The following BMPR1B variants were observed in gnomAD, a reference collection of about 807,000 sequenced individuals.
The protein encoded by BMPR1B is bone morphogenetic protein receptor type-1B.
BMPR1B carries 12 observed loss-of-function variants against 59.1 expected under a neutral mutation model. That is an observed-to-expected ratio of 0.20 (90% CI 0.13 to 0.33). BMPR1B has a LOEUF of 0.33. Ranked by LOEUF, BMPR1B falls within the 10% of genes least tolerant of loss-of-function variation. The probability of loss-of-function intolerance (pLI) is 1.00; values close to 1 mark genes in which losing one functional copy is unlikely to be tolerated. For missense variants in BMPR1B, 550 were observed against 610.9 expected (o/e 0.90, Z 1.05); for synonymous variants, 237 against 207.3 (o/e 1.14, Z -1.23).
chr4:95,102,325 C>T (rs886187956), intron 3 of BMPR1B, among the ~76,000 whole-genome samples: 22 of 152,234 alleles, frequency 1.4e-4, no homozygotes, highest in Admixed American at 1.4e-3. Context: ...AACAGCTTTT[C>T]CCACCAGCTG....
At chr4:94,864,570 G>T (rs1726130305) in intron 1 of BMPR1B, among the ~76,000 whole-genome samples, 1 of 152,036 alleles carries the variant, frequency 6.6e-6, no homozygotes, top group South Asian at 2.1e-4. Context: ...TTTGATAAGG[G>T]CCAAGTACTT....
chr4:94,758,855 G>A (rs557349204), intron 1 of BMPR1B, among the ~76,000 whole-genome samples: 2 of 151,960 alleles, frequency 1.3e-5, no homozygotes, highest in East Asian at 1.9e-4. Flanking sequence ...CGCCTGCTCT[G>A]GCTCTCCCAG....
intron 3 of BMPR1B, among the ~76,000 whole-genome samples, chr4:95,017,314 C>T (rs1035429214): frequency 6.6e-6 from 1 of 152,238 alleles, no homozygotes; most frequent in Non-Finnish European, 1.5e-5. Flanking sequence ...TGCTGAACTA[C>T]TGCTGCCTTG....
chr4:94,982,926 C>T (rs1350344402), intron 2 of BMPR1B, among the ~76,000 whole-genome samples: 3 of 151,122 alleles, frequency 2.0e-5, no homozygotes, highest in Admixed American at 6.6e-5. Flanking sequence ...CGGAGATTGT[C>T]GTGAGAGGAG....
intron 2 of BMPR1B, among the ~76,000 whole-genome samples, chr4:94,879,486 C>T (rs79077883): frequency 0.048 from 7,238 of 152,080 alleles, 411 homozygotes; most frequent in African/African-American, 0.13. Context: ...GCCTGTTGTC[C>T]CAGCTACTCC....
At chr4:95,119,022 G>A (rs1732277097) in intron 6 of BMPR1B, among the ~76,000 whole-genome samples, 1 of 152,134 alleles carries the variant, frequency 6.6e-6, no homozygotes, top group Non-Finnish European at 1.5e-5. Flanking sequence ...TTGCAGCTCA[G>A]GGTGTATCCT....
intron 2 of BMPR1B, among the ~76,000 whole-genome samples, chr4:94,995,160 C>G (rs1346347887): frequency 6.6e-6 from 1 of 152,056 alleles, no homozygotes; most frequent in Non-Finnish European, 1.5e-5. Context: ...TTTATGTCAC[C>G]TGCAAACCAT....
intron 2 of BMPR1B, among the ~76,000 whole-genome samples, chr4:94,981,162 A>G (rs892346225): frequency 2.6e-5 from 4 of 152,106 alleles, no homozygotes; most frequent in Non-Finnish European, 5.9e-5. Flanking sequence ...GTTAGGTAAA[A>G]TATTGCTTTG....
At chr4:95,051,851 G>A in intron 3 of BMPR1B, 1 of 1,386,532 alleles carries the variant, frequency 7.2e-7, no homozygotes, top group Non-Finnish European at 9.8e-7. Flanking sequence ...ATCGCAGAAG[G>A]GAAAGTTCAG....
chr4:94,792,578 TC>T (rs1723025519), intron 1 of BMPR1B, among the ~76,000 whole-genome samples: 1 of 152,190 alleles, frequency 6.6e-6, no homozygotes, highest in South Asian at 2.1e-4. Context: ...AGGGCTTTAA[TC>T]CGAAGTCAAG....
chr4:95,156,552 G>A lies in BMPR1B; in HGVS notation c.*1879G>A, dbSNP rs1164345102. ...TGTGAGCTGTGCTTACAGTTTGGGA[G>A]AATCATGAAGATTCTTTCTATATTT... On this transcript the variant is annotated 3_prime_UTR_variant, in exon 13 of 13. Coordinates refer to ENST00000515059, the MANE Select transcript of BMPR1B (RefSeq NM_001203.3). 4 of 151,774 alleles carry A rather than the reference G, an allele frequency of 2.6e-5. No homozygotes were observed. Among genetic ancestry groups the A allele is most frequent in the African/African-American group, 9.7e-5 (4 of 41,320 alleles). 9.4% of individuals were successfully genotyped at this position (151,774 alleles called of 1,614,324 possible).
At chr4:94,970,236 T>TC (rs1174591733) in intron 2 of BMPR1B, among the ~76,000 whole-genome samples, 7 of 140,568 alleles carry the variant, frequency 5.0e-5, no homozygotes, top group African/African-American at 1.9e-4. Context: ...CAGCTGTTTG[T>TC]TTTTCTTCTC....
chr4:95,057,861 A>T (rs1410136231), intron 3 of BMPR1B, among the ~76,000 whole-genome samples: 7 of 152,340 alleles, frequency 4.6e-5, no homozygotes, highest in Non-Finnish European at 8.8e-5. Context: ...AAACACTTTA[A>T]TATTTCTCAC....
intron 1 of BMPR1B, among the ~76,000 whole-genome samples, chr4:94,832,232 C>T (rs1179719728): frequency 6.6e-6 from 1 of 152,122 alleles, no homozygotes; most frequent in African/African-American, 2.4e-5. Flanking sequence ...AAATGGTGTA[C>T]AGGTTTGTAG....
chr4:94,867,194 G>A (rs1578739077), intron 1 of BMPR1B, among the ~76,000 whole-genome samples: 2 of 152,090 alleles, frequency 1.3e-5, no homozygotes, highest in South Asian at 4.2e-4. Flanking sequence ...CCCTTCTCTG[G>A]ATAGATACCC....
intron 3 of BMPR1B, among the ~76,000 whole-genome samples, chr4:95,055,905 T>A (rs1726894424): frequency 2.0e-5 from 3 of 152,218 alleles, no homozygotes; most frequent in Admixed American, 2.0e-4. Context: ...TTTTTCTCTG[T>A]AAGCCAACTG....
intron 3 of BMPR1B, among the ~76,000 whole-genome samples, chr4:95,019,971 A>T (rs1723854653): frequency 1.3e-5 from 2 of 152,150 alleles, no homozygotes; most frequent in African/African-American, 4.8e-5. Flanking sequence ...ATTATTGAAG[A>T]GAATAGTGTA....
At position 95,157,943 on chromosome 4, in the gene BMPR1B, G is replaced by A. The variant is rs1354864345; in HGVS notation, c.*3270G>A. ...TTCTTTGACACATTTCAATTGGTGT[G>A]TAGTCAAGTATAGCAAGTACTTAAT... On this transcript the variant is annotated 3_prime_UTR_variant, in exon 13 of 13. Transcript: ENST00000515059. 6.6e-6 allele frequency: 1 copy of A among 152,196 alleles called. No homozygotes were observed. Among genetic ancestry groups the A allele is most frequent in the Non-Finnish European group, 1.5e-5 (1 of 68,038 alleles). 9.4% of individuals were successfully genotyped at this position (152,196 alleles called of 1,614,324 possible).
At chr4:95,046,832 C>G (rs562129724) in intron 3 of BMPR1B, among the ~76,000 whole-genome samples, 1 of 152,244 alleles carries the variant, frequency 6.6e-6, no homozygotes, top group African/African-American at 2.4e-5. Flanking sequence ...AGAAGAAGAA[C>G]GCCTCAGACA....
Sources: gnomAD v4.1 joint callset for allele counts (sites outside exome capture counted in the v4.1 genomes callset) on GRCh38, gnomAD v4.1.1 for gene constraint, MANE v1.5 for transcripts, NCBI Gene and HGNC (gene_info 2026-07-23, HGNC 2026-07-21) for gene names.